The following LRRC4C variants were observed in gnomAD, a reference collection of about 807,000 sequenced individuals.
The protein encoded by LRRC4C is leucine-rich repeat-containing protein 4C.
Under a neutral mutation model 33.6 loss-of-function variants are expected in LRRC4C, and 5 were observed. The observed-to-expected ratio is 0.15, with a 90% confidence interval of 0.08 to 0.31. The LOEUF (loss-of-function observed/expected upper bound fraction) is 0.31, where lower values mean the gene tolerates loss of function less well. Ranked by LOEUF, LRRC4C falls within the 10% of genes least tolerant of loss-of-function variation. The probability of loss-of-function intolerance (pLI) is 1.00; values close to 1 mark genes in which losing one functional copy is unlikely to be tolerated. For missense variants in LRRC4C, 560 were observed against 796.7 expected (o/e 0.70, Z 3.58); for synonymous variants, 329 against 302.0 (o/e 1.09, Z -0.93).
intron 2 of LRRC4C, among the ~76,000 whole-genome samples, chr11:40,901,732 G>C (rs1956208945): frequency 6.6e-6 from 1 of 152,030 alleles, no homozygotes; most frequent in Non-Finnish European, 1.5e-5. Flanking sequence ...GGTATTTGTA[G>C]AGTGAACCGT....
chr11:40,712,576 C>T (rs1242936176), intron 2 of LRRC4C, among the ~76,000 whole-genome samples: 1 of 152,124 alleles, frequency 6.6e-6, no homozygotes, highest in Admixed American at 6.5e-5. Flanking sequence ...TACAAGAATG[C>T]TGACCCATGT....
intron 4 of LRRC4C, among the ~76,000 whole-genome samples, chr11:40,313,619 T>A: frequency 8.3e-6 from 1 of 119,868 alleles, no homozygotes; most frequent in African/African-American, 2.9e-5. Context: ...TTTTTTTTTT[T>A]TTTTTTGAGA....
intron 3 of LRRC4C, among the ~76,000 whole-genome samples, chr11:40,397,281 A>G (rs1360495001): frequency 6.6e-6 from 1 of 152,132 alleles, no homozygotes; most frequent in Non-Finnish European, 1.5e-5. Flanking sequence ...GAAAAATTTA[A>G]CTTCAAAAAA....
chr11:40,432,153 A>C (rs1950960398), intron 3 of LRRC4C, among the ~76,000 whole-genome samples: 1 of 151,792 alleles, frequency 6.6e-6, no homozygotes, highest in South Asian at 2.1e-4. Flanking sequence ...TGATGGGCTT[A>C]TATCCTGTTA....
At chr11:41,058,043 C>T (rs1858762980) in intron 1 of LRRC4C, among the ~76,000 whole-genome samples, 1 of 152,216 alleles carries the variant, frequency 6.6e-6, no homozygotes. Flanking sequence ...TTTCACAGGA[C>T]AAGAACTTGG....
intron 1 of LRRC4C, among the ~76,000 whole-genome samples, chr11:41,061,486 A>G (rs1937762925): frequency 6.6e-6 from 1 of 152,222 alleles, no homozygotes; most frequent in Admixed American, 6.5e-5. Context: ...GACTCTGAAT[A>G]TGTTACCGGG....
intron 1 of LRRC4C, among the ~76,000 whole-genome samples, chr11:40,976,262 C>T (rs376001849): frequency 5.9e-5 from 9 of 152,312 alleles, no homozygotes; most frequent in East Asian, 5.8e-4. Context: ...CAATGCTGTG[C>T]ATGCTACTTT....
intron 1 of LRRC4C, among the ~76,000 whole-genome samples, chr11:41,324,274 T>C (rs951016661): frequency 2.2e-4 from 34 of 152,106 alleles, no homozygotes; most frequent in African/African-American, 7.7e-4. Context: ...CTACTAAAAA[T>C]ACAAAATCAG....
At chr11:40,595,163 A>T (rs1312728569) in intron 3 of LRRC4C, among the ~76,000 whole-genome samples, 2 of 152,124 alleles carry the variant, frequency 1.3e-5, no homozygotes, top group East Asian at 3.8e-4. Flanking sequence ...ATGGTGCTCA[A>T]AAAAAGAAGG....
chr11:41,138,937 T>C (rs749411313), intron 1 of LRRC4C, among the ~76,000 whole-genome samples: 7 of 152,180 alleles, frequency 4.6e-5, no homozygotes, highest in Non-Finnish European at 7.4e-5. Flanking sequence ...ACCCTAAGAA[T>C]ACCTAGCTTC....
At chr11:40,711,916 T>C (rs916121735) in intron 2 of LRRC4C, among the ~76,000 whole-genome samples, 1 of 152,202 alleles carries the variant, frequency 6.6e-6, no homozygotes, top group Non-Finnish European at 1.5e-5. Flanking sequence ...GCATTTCCTT[T>C]CTCCTGGGAA....
intron 1 of LRRC4C, among the ~76,000 whole-genome samples, chr11:41,180,597 G>A (rs745934138): frequency 2.0e-4 from 30 of 152,096 alleles, no homozygotes; most frequent in Non-Finnish European, 3.2e-4. Flanking sequence ...GTGTCTGTGC[G>A]CACATGCACG....
intron 1 of LRRC4C, among the ~76,000 whole-genome samples, chr11:41,124,467 C>A (rs988353104): frequency 6.6e-6 from 1 of 152,184 alleles, no homozygotes; most frequent in Non-Finnish European, 1.5e-5. Flanking sequence ...TTTCTTCGTT[C>A]TACAGCACTT....
intron 1 of LRRC4C, among the ~76,000 whole-genome samples, chr11:41,407,667 C>T (rs901416285): frequency 2.0e-5 from 3 of 152,116 alleles, no homozygotes. Flanking sequence ...ATATAACACA[C>T]TTGTGTACCT....
chr11:40,801,892 G>T (rs2135288919), intron 2 of LRRC4C, among the ~76,000 whole-genome samples: 1 of 152,216 alleles, frequency 6.6e-6, no homozygotes, highest in East Asian at 1.9e-4. Context: ...GAAAGTCATT[G>T]GGAGGTCAAG....
chr11:40,975,464 G>A (rs1852017564), intron 1 of LRRC4C, among the ~76,000 whole-genome samples: 1 of 152,180 alleles, frequency 6.6e-6, no homozygotes, highest in South Asian at 2.1e-4. Flanking sequence ...TCTTTCTTCA[G>A]TTGTCCAATT....
chr11:40,435,773 C>A (rs1399224176), intron 3 of LRRC4C, among the ~76,000 whole-genome samples: 2 of 152,218 alleles, frequency 1.3e-5, no homozygotes, highest in East Asian at 1.9e-4. Flanking sequence ...CAACTATTAA[C>A]CCGAGTGTTG....
intron 2 of LRRC4C, among the ~76,000 whole-genome samples, chr11:40,679,573 C>T (rs1179866681): frequency 6.6e-6 from 1 of 152,170 alleles, no homozygotes; most frequent in Non-Finnish European, 1.5e-5. Flanking sequence ...TGCATCCCAG[C>T]ATCTCCAGCC....
intron 2 of LRRC4C, among the ~76,000 whole-genome samples, chr11:40,866,329 T>A (rs1000638745): frequency 6.6e-6 from 1 of 152,052 alleles, no homozygotes. Context: ...CAGAAAAGTA[T>A]AAAATGTCAA....
Sources: gnomAD v4.1 joint callset for allele counts (sites outside exome capture counted in the v4.1 genomes callset) on GRCh38, gnomAD v4.1.1 for gene constraint, MANE v1.5 for transcripts, NCBI Gene and HGNC (gene_info 2026-07-23, HGNC 2026-07-21) for gene names.